The following PCGF6 variants were observed in gnomAD, a reference collection of about 807,000 sequenced individuals.
PCGF6 encodes polycomb group RING finger protein 6.
PCGF6 carries 24 observed loss-of-function variants against 45.5 expected under a neutral mutation model. That is an observed-to-expected ratio of 0.53 (90% CI 0.38 to 0.74). The LOEUF (loss-of-function observed/expected upper bound fraction) is 0.74. Among genes scored for constraint, PCGF6 ranks in the 30% least tolerant of loss-of-function variants. The pLI, the probability that PCGF6 is intolerant of heterozygous loss-of-function variation, is 0.00. For missense variants in PCGF6, 356 were observed against 443.2 expected (o/e 0.80, Z 1.77); for synonymous variants, 152 against 162.1 (o/e 0.94, Z 0.47).
At chr10:103,349,479 G>GTTTTTTTT (rs11450842) in intron 1 of PCGF6, among the ~76,000 whole-genome samples, 1 of 108,160 alleles carries the variant, frequency 9.2e-6, no homozygotes, top group African/African-American at 3.6e-5. Flanking sequence ...CTTTCTTTCC[G>GTTTTTTTT]TTTTTTTTTT....
At position 103,351,105 on chromosome 10, in the gene PCGF6, AG is replaced by A; in HGVS notation, c.-40del. 4 of 1,336,168 alleles carry A rather than the reference AG, an allele frequency of 3.0e-6. No individual in the cohort carries two copies. The highest frequency in any genetic ancestry group is 3.8e-6 in the Non-Finnish European group (4 of 1,043,490). 82.8% of individuals were successfully genotyped at this position (1,336,168 alleles called of 1,614,324 possible). Reference sequence around the variant, plus strand: ...ACCAGGCGAGGCGAGGCGGCGGGAGAGCGCGGGAGTTCGGCCGGCCTCGGAC... The same window carrying A: ...ACCAGGCGAGGCGAGGCGGCGGGAGACGCGGGAGTTCGGCCGGCCTCGGAC... On this transcript the variant is annotated 5_prime_UTR_variant, in exon 1 of 10. Transcript: ENST00000369847.
chr10:103,324,759 CAA>C (rs1189652042), intron 8 of PCGF6, among the ~76,000 whole-genome samples: 2 of 41,740 alleles, frequency 4.8e-5, no homozygotes, highest in African/African-American at 9.6e-5. Context: ...GACTCCGCCT[CAA>C]AAAAAAAAAA....
rs1320006730 is a variant in PCGF6, at chr10:103,350,774, TC to T, written c.292del (p.Glu98ArgfsTer4). ...EELEEEEEEE[E>X]EDMSHFSLRL... is the part of the protein sequence containing the mutation. ...CAACGAGAAGTGACTCATGTCCTCC[TC>T]CTCCTCCTCTTCTTCCTCCTCCAGC... On this transcript the variant is annotated frameshift_variant, in exon 1 of 10. Transcript: ENST00000369847. LOFTEE classifies it high-confidence loss of function. The T allele has an allele frequency of 6.4e-7, 1 of 1,565,614 alleles. No individual in the cohort carries two copies. Among genetic ancestry groups the T allele is most frequent in the Non-Finnish European group, 8.6e-7 (1 of 1,156,212 alleles).
At chr10:103,315,806 T>C (rs1222646239) in intron 8 of PCGF6, among the ~76,000 whole-genome samples, 2 of 152,156 alleles carry the variant, frequency 1.3e-5, no homozygotes, top group Admixed American at 1.3e-4. Context: ...GCCAATATAC[T>C]GACTTTTATA....
rs571446385 is a variant in PCGF6, at chr10:103,303,766, A to G, written c.*139T>C. 4.1e-5 allele frequency: 29 copies of G among 701,576 alleles called. No homozygotes were observed. Among genetic ancestry groups the G allele is most frequent in the South Asian group, 2.8e-4 (13 of 45,618 alleles). 43.5% of individuals were successfully genotyped at this position (701,576 alleles called of 1,614,324 possible). A position where few individuals can be genotyped will look rare whatever the true frequency, so the allele number is the denominator to read the frequency against. ...GTTCCAAGTTGTACTTATAAACGCT[A>G]TAATTCTTGGTGCTAAAAATAGGTA... On this transcript the variant is annotated 3_prime_UTR_variant, in exon 10 of 10. Transcript: ENST00000369847.
chr10:103,337,639 A>T (rs1325519542), intron 6 of PCGF6, among the ~76,000 whole-genome samples: 1 of 152,184 alleles, frequency 6.6e-6, no homozygotes, highest in African/African-American at 2.4e-5. Context: ...CTATCTTAAG[A>T]TCATAAAGCT....
Position 103,333,950 on chromosome 10 carries a change from G to T in PCGF6, c.785C>A (p.Ala262Asp). ...CTTAAAATGTCCCGTGCCTTCATTAGCACTGAAAAATGAGAGCAAAATTAA... is the reference window on the plus strand; with the variant it reads ...CTTAAAATGTCCCGTGCCTTCATTATCACTGAAAAATGAGAGCAAAATTAA... ...DMSLLLEFIG[A>D]NEGTGHFKPL... Residue 262 changes from alanine (A) to aspartate (D), a missense_variant and splice_region_variant, in exon 7 of 10, where the codon GCT becomes GAT. Transcript: ENST00000369847. The T allele has an allele frequency of 6.5e-7, 1 of 1,541,252 alleles. No homozygotes were observed. Among genetic ancestry groups the T allele is most frequent in the Non-Finnish European group, 8.7e-7 (1 of 1,148,046 alleles).
rs554728089 is a variant in PCGF6 at position 103,326,399 on chromosome 10, A to C, written c.909+135T>G. On this transcript the variant is annotated intron_variant, in intron 8 of 9. Coordinates refer to ENST00000369847, the MANE Select transcript of PCGF6 (RefSeq NM_001011663.2). Reference sequence around the variant, plus strand: ...GCAAGACTCCATCTCAAAAAAAAAAAAAAAAAACAATGTCTACAACATCAT... The same window carrying C: ...GCAAGACTCCATCTCAAAAAAAAAACAAAAAAACAATGTCTACAACATCAT... 203 of 540,912 alleles carry C rather than the reference A, an allele frequency of 3.8e-4. 2 individuals are homozygous for C. The South Asian group carries it at 6.9e-3, about 18-fold the overall frequency. 33.5% of individuals were successfully genotyped at this position (540,912 alleles called of 1,614,324 possible). A position where few individuals can be genotyped will look rare whatever the true frequency, so the allele number is the denominator to read the frequency against.
chr10:103,328,341 A>C (rs540077378), intron 7 of PCGF6, among the ~76,000 whole-genome samples: 1 of 152,230 alleles, frequency 6.6e-6, no homozygotes, highest in East Asian at 1.9e-4. Flanking sequence ...TTCCCAACTA[A>C]AACTCAGAGT....
At chr10:103,304,672 T>G (rs1334288771) in intron 9 of PCGF6, among the ~76,000 whole-genome samples, 2 of 150,768 alleles carry the variant, frequency 1.3e-5, no homozygotes, top group African/African-American at 4.9e-5. Flanking sequence ...TTTTTTTTTT[T>G]GAAGACAGGG....
In PCGF6 at chr10:103,349,002, G is replaced by C. The variant is rs2093309832; in HGVS notation, c.361-3C>G. 6.2e-7 allele frequency: 1 copy of C among 1,602,430 alleles called. No individual in the cohort carries two copies. Among genetic ancestry groups the C allele is most frequent in the Non-Finnish European group, 8.5e-7 (1 of 1,175,060 alleles). On this transcript the variant is annotated splice_region_variant and splice_polypyrimidine_tract_variant and intron_variant, in intron 1 of 9. Transcript: ENST00000369847. ...AGCTCAGAGAGATTAATCAGGCGCT[G>C]CAAATAAACGGAAACAGTTTTAAAA...
At chr10:103,339,801 C>CA (rs200037917) in intron 6 of PCGF6, among the ~76,000 whole-genome samples, 3,105 of 26,898 alleles carry the variant, frequency 0.12, 282 homozygotes, top group Non-Finnish European at 0.15. Context: ...CTGTCTGTCT[C>CA]AAAAAAAAAA....
At chr10:103,325,626 C>T (rs1274145496) in intron 8 of PCGF6, among the ~76,000 whole-genome samples, 1 of 152,096 alleles carries the variant, frequency 6.6e-6, no homozygotes, top group Non-Finnish European at 1.5e-5. Flanking sequence ...CAATATTTTT[C>T]TCTACTACCA....
chr10:103,339,864 C>A (rs1564733306), intron 6 of PCGF6, among the ~76,000 whole-genome samples: 2 of 111,508 alleles, frequency 1.8e-5, no homozygotes, highest in African/African-American at 3.6e-5. Flanking sequence ...CACACACACA[C>A]ACAAAAGCAT....
At chr10:103,331,121 C>G (rs2093238685) in intron 7 of PCGF6, among the ~76,000 whole-genome samples, 1 of 152,282 alleles carries the variant, frequency 6.6e-6, no homozygotes, top group Non-Finnish European at 1.5e-5. Flanking sequence ...ATCATGTTTT[C>G]AATGTTTACC....
chr10:103,303,970 G>A lies in PCGF6; in HGVS notation c.997-9C>T. The A allele has an allele frequency of 6.2e-7, 1 of 1,611,510 alleles. No individual in the cohort carries two copies. Among genetic ancestry groups the A allele is most frequent in the Non-Finnish European group, 8.5e-7 (1 of 1,178,406 alleles). Reference sequence around the variant, plus strand: ...AGGACAAGCAGACCATCCTGAAAAGGGGAGAAAAAAAGACGATTTTGCAGT... The same window carrying A: ...AGGACAAGCAGACCATCCTGAAAAGAGGAGAAAAAAAGACGATTTTGCAGT... On this transcript the variant is annotated splice_polypyrimidine_tract_variant and intron_variant, in intron 9 of 9. Transcript: ENST00000369847.
intron 6 of PCGF6, among the ~76,000 whole-genome samples, chr10:103,340,007 C>CAAAAAAAAAA (rs60211186): frequency 1.3e-4 from 8 of 60,048 alleles, no homozygotes; most frequent in African/African-American, 3.9e-4. Flanking sequence ...ACTAAAAATA[C>CAAAAAAAAAA]AAAAAAAAAA....
intron 9 of PCGF6, among the ~76,000 whole-genome samples, chr10:103,312,084 CAAAAAAAAAA>C (rs1225426465): frequency 3.8e-4 from 18 of 47,244 alleles, no homozygotes; most frequent in Non-Finnish European, 6.0e-4. Context: ...ACTCTGTCTC[CAAAAAAAAAA>C]AAAAAAAAAA....
chr10:103,339,810 AACACACACACAC>A (rs201660003), intron 6 of PCGF6, among the ~76,000 whole-genome samples: 1,170 of 32,178 alleles, frequency 0.036, 37 homozygotes, highest in African/African-American at 0.086. Flanking sequence ...TCAAAAAAAA[AACACACACACAC>A]ACACACACAC....
Sources: allele counts gnomAD v4.1 joint callset (sites outside exome capture counted in the v4.1 genomes callset), GRCh38; gene constraint gnomAD v4.1.1; transcripts MANE v1.5; gene names NCBI Gene and HGNC (gene_info 2026-07-23, HGNC 2026-07-21).